The following NRK variants were observed in gnomAD, a reference collection of about 807,000 sequenced individuals.
NRK encodes the protein Nik related kinase.
In NRK, 67 loss-of-function variants were observed where a neutral mutation model predicts 125.2. The ratio of observed to expected loss-of-function variants is 0.54; its 90% confidence interval spans 0.44 to 0.66. NRK has a LOEUF of 0.66. Ranked by LOEUF, NRK falls within the 30% of genes least tolerant of loss-of-function variation. The pLI, the probability that NRK is intolerant of heterozygous loss-of-function variation, is 0.00. For synonymous variants in NRK, 458 were observed against 429.0 expected, an observed-to-expected ratio of 1.07 and a Z score of -0.84; for missense variants, 1,224 against 1,192.9, an observed-to-expected ratio of 1.03 and a Z score of -0.38.
At chrX:105,825,776 A>G (rs1282831316) in intron 1 of NRK, among the ~76,000 whole-genome samples, 1 of 111,078 alleles carries the variant, frequency 9.0e-6, no homozygotes, top group African/African-American at 3.3e-5. Flanking sequence ...AAGAGAGCCA[A>G]TGTAATTACA....
intron 21 of NRK, among the ~76,000 whole-genome samples, chrX:105,935,874 G>A (rs1308171029): frequency 2.8e-5 from 3 of 107,591 alleles, no homozygotes; most frequent in African/African-American, 6.7e-5. Context: ...TTTAAGTTTC[G>A]TATTTCTAAT....
At position 105,908,966 on chromosome X, in the gene NRK, C is replaced by T; in HGVS notation, c.1325C>T (p.Ala442Val). 1.7e-6 allele frequency: 2 copies of T among 1,208,978 alleles called. No individual in the cohort carries two copies. The highest frequency in any genetic ancestry group is 2.2e-6 in the Non-Finnish European group (2 of 893,376). ...QAQAPQRLQG[A>V]ARVFMPLQAQ... ...CAGGCACCTCAACGACTACAAGGGG[C>T]AGCTCGGGTGTTCATGCCACTACAG... The change falls in exon 13 of 29, where the codon GCA becomes GTA. Residue 442 changes from alanine (A) to valine (V), a missense_variant. Coordinates refer to ENST00000243300, the MANE Select transcript of NRK (RefSeq NM_198465.4).
intron 23 of NRK, among the ~76,000 whole-genome samples, chrX:105,941,628 A>C (rs1174987601): frequency 9.2e-6 from 1 of 108,775 alleles, no homozygotes; most frequent in Non-Finnish European, 1.9e-5. Flanking sequence ...GCAGCCAAGA[A>C]AGGGCTTTAT....
chrX:105,890,272 T>C (rs2040000793), intron 5 of NRK, among the ~76,000 whole-genome samples: 1 of 111,716 alleles, frequency 9.0e-6, no homozygotes, highest in South Asian at 3.8e-4. Flanking sequence ...AACCATATTG[T>C]CCGTATCATT....
intron 1 of NRK, among the ~76,000 whole-genome samples, chrX:105,824,995 C>G (rs1046486668): frequency 9.9e-5 from 11 of 111,469 alleles, no homozygotes; most frequent in Non-Finnish European, 1.9e-5. Context: ...CATAATTCTC[C>G]CCTGTCCTCA....
chrX:105,868,926 T>G (rs985907805), intron 2 of NRK, among the ~76,000 whole-genome samples: 1 of 109,244 alleles, frequency 9.2e-6, no homozygotes, highest in Admixed American at 9.9e-5. Context: ...TAAAAAACAC[T>G]CTCAAAAAAG....
intron 23 of NRK, among the ~76,000 whole-genome samples, chrX:105,943,227 G>T (rs2040768449): frequency 9.0e-6 from 1 of 111,318 alleles, no homozygotes; most frequent in Admixed American, 9.5e-5. Context: ...GTGAAATTTG[G>T]ACTCCAACCT....
intron 2 of NRK, among the ~76,000 whole-genome samples, chrX:105,841,268 C>T (rs1384468345): frequency 9.0e-6 from 1 of 111,300 alleles, no homozygotes; most frequent in Admixed American, 9.6e-5. Flanking sequence ...TTCTAAAAAG[C>T]AGCTTATCAG....
At chrX:105,948,827 A>G (rs1602705758) in intron 26 of NRK, 1 of 387,380 alleles carries the variant, frequency 2.6e-6, no homozygotes, top group Non-Finnish European at 4.4e-6. Context: ...GAGGAACACA[A>G]TTTTTCATTT....
intron 2 of NRK, among the ~76,000 whole-genome samples, chrX:105,836,995 A>T (rs775004589): frequency 1.1e-3 from 123 of 112,323 alleles, no homozygotes; most frequent in African/African-American, 3.7e-3. Flanking sequence ...GTTTAAAAAG[A>T]TGGAAGTAAA....
chrX:105,873,011 A>C (rs1296951736), intron 2 of NRK, among the ~76,000 whole-genome samples: 1 of 111,508 alleles, frequency 9.0e-6, no homozygotes, highest in Admixed American at 9.6e-5. Flanking sequence ...AAATTCTATG[A>C]ATGAAAAACG....
At chrX:105,836,443 C>T (rs891119402) in intron 2 of NRK, among the ~76,000 whole-genome samples, 6 of 111,767 alleles carry the variant, frequency 5.4e-5, no homozygotes, top group African/African-American at 1.6e-4. Flanking sequence ...AAAAAAACTT[C>T]ATTTACACCA....
At chrX:105,840,627 A>C (rs2039319326) in intron 2 of NRK, among the ~76,000 whole-genome samples, 1 of 111,066 alleles carries the variant, frequency 9.0e-6, no homozygotes. Context: ...AAAAATAGGC[A>C]TACAAAATTG....
At chrX:105,946,106 T>C (rs938063558) in intron 25 of NRK, 91 bp downstream of exon 25, 35 of 928,693 alleles carry the variant, frequency 3.8e-5, no homozygotes, top group Non-Finnish European at 4.7e-5. Flanking sequence ...AAACTCAATA[T>C]TTTGAAGCTA....
In NRK at chrX:105,900,614, G is replaced by T. The variant is rs1281078474; in HGVS notation, c.712-4G>T. On this transcript the variant is annotated splice_region_variant and splice_polypyrimidine_tract_variant and intron_variant, in intron 8 of 28. Transcript: ENST00000243300. ...TGACTTTTTTGTCATCTTTGTCTTT[G>T]CAGAGTGATGTGTGGTCTGTGGGAA... 2.6e-6 allele frequency: 3 copies of T among 1,175,518 alleles called. No individual in the cohort carries two copies. Among genetic ancestry groups the T allele is most frequent in the Non-Finnish European group, 3.5e-6 (3 of 865,178 alleles).
At chrX:105,884,751 C>A (rs1375260597) in intron 4 of NRK, among the ~76,000 whole-genome samples, 3 of 111,757 alleles carry the variant, frequency 2.7e-5, no homozygotes, top group Admixed American at 9.5e-5. Context: ...TTAAGGAAAT[C>A]TTTTTTTTCA....
chrX:105,876,485 T>G (rs1189087650), intron 2 of NRK, among the ~76,000 whole-genome samples: 1 of 110,673 alleles, frequency 9.0e-6, no homozygotes, highest in African/African-American at 3.3e-5. Context: ...AGCTAGTGGC[T>G]CCTGTATGAT....
intron 8 of NRK, among the ~76,000 whole-genome samples, chrX:105,899,592 G>C (rs770631612): frequency 1.0e-3 from 112 of 111,869 alleles, no homozygotes; most frequent in Non-Finnish European, 1.9e-3. Flanking sequence ...ACTTTTTGCA[G>C]TCTTCCAAGG....
At chrX:105,948,919 A>G (rs2040855404) in intron 26 of NRK, among the ~76,000 whole-genome samples, 1 of 111,329 alleles carries the variant, frequency 9.0e-6, no homozygotes, top group African/African-American at 3.3e-5. Flanking sequence ...GAAATTTAGA[A>G]ATGCTTAGAT....
Sources: gnomAD v4.1 joint callset for allele counts (sites outside exome capture counted in the v4.1 genomes callset) on GRCh38, gnomAD v4.1.1 for gene constraint, MANE v1.5 for transcripts, NCBI Gene and HGNC (gene_info 2026-07-23, HGNC 2026-07-21) for gene names.